The following SATB2 variants were observed in gnomAD, a reference collection of about 807,000 sequenced individuals.
The protein encoded by SATB2 is DNA-binding protein SATB2.
In SATB2, 1 loss-of-function variant was observed where a neutral mutation model predicts 73.4. That is an observed-to-expected ratio of 0.01 (90% confidence interval 0.00 to 0.06). SATB2 has a LOEUF of 0.06. Ranked by LOEUF, SATB2 falls within the 10% of genes least tolerant of loss-of-function variation. The pLI is 1.00. For missense variants in SATB2, 459 were observed against 945.8 expected (o/e 0.49, Z 6.75); for synonymous variants, 397 against 367.0 (o/e 1.08, Z -0.93).
At chr2:199,364,947 A>C (rs1292132189) in intron 6 of SATB2, among the ~76,000 whole-genome samples, 1 of 152,140 alleles carries the variant, frequency 6.6e-6, no homozygotes, top group Non-Finnish European at 1.5e-5. Flanking sequence ...TATGATTGCC[A>C]CTTCATTTCA....
intron 9 of SATB2, among the ~76,000 whole-genome samples, chr2:199,312,525 T>C (rs1258284029): frequency 6.6e-6 from 1 of 152,186 alleles, no homozygotes. Context: ...TGGTCTGTCA[T>C]TAAATAACGG....
chr2:199,315,904 T>C (rs972626111), intron 9 of SATB2, among the ~76,000 whole-genome samples: 2 of 152,056 alleles, frequency 1.3e-5, no homozygotes, highest in Admixed American at 6.6e-5. Context: ...TTTGCCCCTC[T>C]AGGAACTCTA....
intron 5 of SATB2, 54 bp from the exon 6 acceptor site, chr2:199,368,761 G>A (rs1482714236): frequency 1.1e-5 from 12 of 1,050,330 alleles, no homozygotes; most frequent in Non-Finnish European, 1.7e-5. Flanking sequence ...TCTTTTTAGG[G>A]ACAAGAAAGA....
chr2:199,372,565 G>GCAT (rs1197410450), intron 5 of SATB2, among the ~76,000 whole-genome samples: 6 of 152,170 alleles, frequency 3.9e-5, no homozygotes, highest in Admixed American at 3.3e-4. Context: ...AGAATAAAAA[G>GCAT]CATCTTTCCC....
At chr2:199,419,283 G>A (rs939556931) in intron 3 of SATB2, among the ~76,000 whole-genome samples, 2 of 152,134 alleles carry the variant, frequency 1.3e-5, no homozygotes, top group African/African-American at 2.4e-5. Flanking sequence ...AGAATCCTTA[G>A]TCAGTTTTAC....
At chr2:199,381,410 G>A (rs1310300775) in intron 4 of SATB2, among the ~76,000 whole-genome samples, 3 of 152,156 alleles carry the variant, frequency 2.0e-5, no homozygotes, top group Non-Finnish European at 4.4e-5. Context: ...GCTGTGTAAA[G>A]CTACTCCTAA....
At chr2:199,450,973 A>T (rs1692105606) in intron 2 of SATB2, among the ~76,000 whole-genome samples, 1 of 152,104 alleles carries the variant, frequency 6.6e-6, no homozygotes. Context: ...GAAGAATTCA[A>T]ACAGGATATC....
chr2:199,385,875 G>T (rs1689915488), intron 3 of SATB2, among the ~76,000 whole-genome samples: 1 of 152,018 alleles, frequency 6.6e-6, no homozygotes, highest in African/African-American at 2.4e-5. Flanking sequence ...GAGACTTTGG[G>T]CAAATTGTTT....
intron 3 of SATB2, among the ~76,000 whole-genome samples, chr2:199,410,333 T>C (rs912257353): frequency 6.6e-6 from 1 of 152,180 alleles, no homozygotes; most frequent in Non-Finnish European, 1.5e-5. Flanking sequence ...AAATTCTGTG[T>C]GCTAAATTCT....
At chr2:199,422,856 T>G (rs1691213110) in intron 3 of SATB2, among the ~76,000 whole-genome samples, 1 of 152,174 alleles carries the variant, frequency 6.6e-6, no homozygotes, top group Admixed American at 6.5e-5. Flanking sequence ...AGCCATAATA[T>G]GTCTATTATG....
At chr2:199,435,022 AATT>A (rs1188141617) in intron 2 of SATB2, among the ~76,000 whole-genome samples, 1 of 152,188 alleles carries the variant, frequency 6.6e-6, no homozygotes, top group Non-Finnish European at 1.5e-5. Context: ...AGATCATGGT[AATT>A]ATTATTAAGA....
chr2:199,274,289 C>T (rs956773682), intron 10 of SATB2, among the ~76,000 whole-genome samples: 1 of 151,982 alleles, frequency 6.6e-6, no homozygotes, highest in Non-Finnish European at 1.5e-5. Flanking sequence ...CCTTTCCTGC[C>T]ACCACCACAC....
chr2:199,379,682 C>CTTT (rs71015899), intron 5 of SATB2, among the ~76,000 whole-genome samples: 33 of 108,248 alleles, frequency 3.0e-4, no homozygotes, highest in Non-Finnish European at 4.6e-4. Flanking sequence ...CTTTTCTTTT[C>CTTT]TTTTTTTTTT....
intron 3 of SATB2, among the ~76,000 whole-genome samples, chr2:199,421,179 G>C (rs568036769): frequency 6.6e-6 from 1 of 152,082 alleles, no homozygotes; most frequent in African/African-American, 2.4e-5. Flanking sequence ...ACTCAAATAG[G>C]TTCCAGGTAG....
In SATB2 at chr2:199,272,195, C is replaced by T; in HGVS notation, c.*16G>A. 1 of 1,608,912 alleles carries T rather than the reference C, an allele frequency of 6.2e-7. No homozygotes were observed. Among genetic ancestry groups the T allele is most frequent in the Non-Finnish European group, 8.5e-7 (1 of 1,175,602 alleles). ...TCCTTGGACCGATGTATTGCTTTGC[C>T]TAGTAGAAGTTCACATTATCTCTGG... On this transcript the variant is annotated 3_prime_UTR_variant, in exon 11 of 11. Transcript: ENST00000417098. This position sits in a 1 kb window ranked among gnomAD's most constrained non-coding sequence, Gnocchi z 6.7.
At chr2:199,371,238 G>A (rs965479900) in intron 5 of SATB2, among the ~76,000 whole-genome samples, 1 of 152,078 alleles carries the variant, frequency 6.6e-6, no homozygotes, top group Admixed American at 6.6e-5. Context: ...ACATTAGACT[G>A]TTAAATTCTC....
chr2:199,446,902 A>G (rs572010185), intron 2 of SATB2, among the ~76,000 whole-genome samples: 1 of 152,278 alleles, frequency 6.6e-6, no homozygotes, highest in African/African-American at 2.4e-5. Context: ...AGGTTTTTAA[A>G]TATTAAATCC....
intron 5 of SATB2, among the ~76,000 whole-genome samples, chr2:199,379,924 C>A (rs1219876883): frequency 1.3e-5 from 2 of 152,002 alleles, no homozygotes; most frequent in Non-Finnish European, 2.9e-5. Context: ...CACTCTGTCA[C>A]CCAGGCTAGA....
At chr2:199,306,023 A>G (rs11893785) in intron 10 of SATB2, among the ~76,000 whole-genome samples, 9 of 152,180 alleles carry the variant, frequency 5.9e-5, no homozygotes, top group African/African-American at 1.9e-4. Flanking sequence ...ATTACCCTAC[A>G]TATGAATTTT....
Sources: gnomAD v4.1 joint callset for allele counts (sites outside exome capture counted in the v4.1 genomes callset) on GRCh38, gnomAD v4.1.1 for gene constraint, Gnocchi (gnomAD v3.1) non-coding constraint, MANE v1.5 for transcripts, NCBI Gene and HGNC (gene_info 2026-07-23, HGNC 2026-07-21) for gene names.